MYT1L: variants seen among roughly 807,000 people sequenced by gnomAD.
The protein encoded by MYT1L is myelin transcription factor 1 like, also known as myelin transcription factor 1-like protein.
A neutral mutation model predicts 126.7 loss-of-function variants in MYT1L; 12 were observed. That is an observed-to-expected ratio of 0.09 (90% CI 0.06 to 0.15). The LOEUF is 0.15. MYT1L is among the 10% of genes least tolerant of loss of function. MYT1L has a pLI of 1.00. For missense variants in MYT1L, 979 were observed against 1,585.2 expected (o/e 0.62, Z 6.49); for synonymous variants, 541 against 604.2 (o/e 0.90, Z 1.53).
intron 1 of MYT1L, among the ~76,000 whole-genome samples, chr2:2,313,336 C>T (rs916590877): frequency 4.6e-5 from 7 of 152,014 alleles, no homozygotes; most frequent in Admixed American, 2.0e-4. Flanking sequence ...TCTCCACTAC[C>T]GGTTGTCTTA....
intron 21 of MYT1L, among the ~76,000 whole-genome samples, 168 bp from the exon 22 acceptor site, chr2:1,809,335 A>G (rs2036209350): frequency 6.6e-6 from 1 of 152,216 alleles, no homozygotes; most frequent in African/African-American, 2.4e-5. Context: ...TATGACAGTT[A>G]TGCACACATG....
intron 18 of MYT1L, among the ~76,000 whole-genome samples, chr2:1,881,353 T>TGTGTGTGTGTGTGTGTG (rs1344449685): frequency 7.5e-6 from 1 of 132,666 alleles, no homozygotes; most frequent in African/African-American, 2.9e-5. Context: ...GGTTTGCAGG[T>TGTGTGTGTGTGTGTGTG]TCGTGTGTGT....
chr2:2,265,629 T>C (rs1417703774), intron 2 of MYT1L, among the ~76,000 whole-genome samples: 1 of 152,178 alleles, frequency 6.6e-6, no homozygotes, highest in African/African-American at 2.4e-5. Flanking sequence ...CTTCATTGTT[T>C]AAGAGCATGG....
intron 1 of MYT1L, among the ~76,000 whole-genome samples, chr2:2,322,370 C>T (rs530001266): frequency 6.6e-6 from 1 of 152,132 alleles, no homozygotes; most frequent in South Asian, 2.1e-4. Flanking sequence ...TGAAAGGCTG[C>T]TTTTCTTTCC....
At chr2:2,185,007 C>T (rs987432593) in intron 2 of MYT1L, among the ~76,000 whole-genome samples, 13 of 152,146 alleles carry the variant, frequency 8.5e-5, no homozygotes, top group African/African-American at 3.1e-4. Context: ...ATAGTAATTG[C>T]GTCTACTTTA....
At chr2:1,997,995 A>G (rs1322189464) in intron 4 of MYT1L, among the ~76,000 whole-genome samples, 1 of 152,210 alleles carries the variant, frequency 6.6e-6, no homozygotes, top group Non-Finnish European at 1.5e-5. Context: ...TCAGGAGATA[A>G]TAATTGAAAC....
intron 3 of MYT1L, among the ~76,000 whole-genome samples, chr2:2,158,905 G>A (rs1463755503): frequency 6.6e-6 from 1 of 152,106 alleles, no homozygotes; most frequent in Non-Finnish European, 1.5e-5. Flanking sequence ...CCTGCTGAAG[G>A]GCTCCAGGGC....
chr2:2,042,893 CT>C (rs1004687712), intron 4 of MYT1L, among the ~76,000 whole-genome samples: 21 of 152,328 alleles, frequency 1.4e-4, no homozygotes, highest in African/African-American at 4.3e-4. Flanking sequence ...CCCTTCCCCC[CT>C]GCTCTTCCCT....
intron 2 of MYT1L, among the ~76,000 whole-genome samples, chr2:2,255,247 C>T (rs894780129): frequency 3.3e-5 from 5 of 152,128 alleles, no homozygotes; most frequent in Admixed American, 6.6e-5. Context: ...CTGGGCTGCC[C>T]GATTACAGGG....
intron 18 of MYT1L, among the ~76,000 whole-genome samples, chr2:1,881,052 T>C (rs932484336): frequency 2.6e-5 from 4 of 152,142 alleles, no homozygotes; most frequent in African/African-American, 9.7e-5. Context: ...GGCTTGTGCG[T>C]CAGTATAGTT....
At chr2:1,955,142 CAA>C (rs111904216) in intron 8 of MYT1L, among the ~76,000 whole-genome samples, 9,046 of 116,956 alleles carry the variant, frequency 0.077, 871 homozygotes, top group African/African-American at 0.23. Flanking sequence ...GAGTCCATCT[CAA>C]AAAAAAAAAA....
intron 3 of MYT1L, among the ~76,000 whole-genome samples, chr2:2,112,778 C>A (rs1260511627): frequency 6.6e-6 from 1 of 152,206 alleles, no homozygotes. Context: ...CATGGCCTCT[C>A]CAGTCTGTGT....
chr2:2,151,938 C>A (rs2148316792), intron 3 of MYT1L, among the ~76,000 whole-genome samples: 2 of 152,248 alleles, frequency 1.3e-5, no homozygotes, highest in African/African-American at 4.8e-5. Context: ...TGCCTGTAAT[C>A]CCAGCTACTG....
At chr2:2,156,301 C>A (rs1034162747) in intron 3 of MYT1L, among the ~76,000 whole-genome samples, 5 of 152,152 alleles carry the variant, frequency 3.3e-5, no homozygotes, top group Admixed American at 6.6e-5. Context: ...TAGTTCCAAC[C>A]TGAAGGCAAG....
intron 1 of MYT1L, among the ~76,000 whole-genome samples, chr2:2,305,671 A>T (rs912460000): frequency 3.9e-5 from 6 of 152,188 alleles, no homozygotes; most frequent in Non-Finnish European, 5.9e-5. Flanking sequence ...GCTGTACAGG[A>T]TACATGACTG....
intron 3 of MYT1L, among the ~76,000 whole-genome samples, chr2:2,099,167 G>C (rs551944107): frequency 6.6e-6 from 1 of 151,972 alleles, no homozygotes; most frequent in Admixed American, 6.6e-5. Flanking sequence ...TGATTTCTTT[G>C]GCTGAGATGA....
At chr2:2,279,560 T>TGAAGGAAGGAAGAAAGGAAG in intron 2 of MYT1L, among the ~76,000 whole-genome samples, 1 of 56,866 alleles carries the variant, frequency 1.8e-5, no homozygotes, top group Non-Finnish European at 3.6e-5. Flanking sequence ...AGAGAAGGAA[T>TGAAGGAAGGAAGAAAGGAAG]GAATGAATGA....
chr2:2,137,997 AAAAC>A (rs1329166697), intron 3 of MYT1L, among the ~76,000 whole-genome samples: 6 of 152,204 alleles, frequency 3.9e-5, no homozygotes, highest in Non-Finnish European at 7.4e-5. Flanking sequence ...TTACAAGAAA[AAAAC>A]AAACAACCCC....
intron 21 of MYT1L, among the ~76,000 whole-genome samples, chr2:1,819,556 C>G (rs1171008000): frequency 6.6e-6 from 1 of 152,240 alleles, no homozygotes; most frequent in Non-Finnish European, 1.5e-5. Context: ...ACTCCTCCTC[C>G]TGCAGCCTCT....
Sources: allele counts gnomAD v4.1 joint callset (sites outside exome capture counted in the v4.1 genomes callset), GRCh38; gene constraint gnomAD v4.1.1; transcripts MANE v1.5; gene names NCBI Gene and HGNC (gene_info 2026-07-23, HGNC 2026-07-21).